The following COA6 variants were observed in gnomAD, a reference collection of about 807,000 sequenced individuals.
COA6 encodes the protein cytochrome c oxidase assembly factor 6 homolog.
A neutral mutation model predicts 17.1 loss-of-function variants in COA6; 12 were observed. The ratio of observed to expected loss-of-function variants is 0.70; its 90% CI spans 0.45 to 1.14. COA6 has a LOEUF of 1.14. COA6 is among the 50% of genes most tolerant of loss of function. The pLI is 0.00. For synonymous variants in COA6, 90 were observed against 73.4 expected, an observed-to-expected ratio of 1.23 and a Z score of -1.16; for missense variants, 246 against 196.5, an observed-to-expected ratio of 1.25 and a Z score of -1.51.
Position 234,377,059 on chromosome 1 carries a change from C to CACCCAACA in COA6, c.372+2670_372+2671insACCCAACA, listed in dbSNP as rs141978217. 6.0e-3 allele frequency among the ~76,000 whole-genome samples: 499 copies of CACCCAACA among 82,550 alleles called. 28 individuals are homozygous for CACCCAACA. Among genetic ancestry groups the CACCCAACA allele is most frequent in the African/African-American group, 0.019 (319 of 16,662 alleles). 54.2% of individuals were successfully genotyped at this position (82,550 alleles called of 152,430 possible). A position where few individuals can be genotyped will look rare whatever the true frequency, so the allele number is the denominator to read the frequency against. ...GACAGCTACCTTCTTGCTGTGTTGC[C>CACCCAACA]GAGAGAGAGAGAGAGAGAGAGAGAG... On this transcript the variant is annotated intron_variant, in intron 2 of 2. Transcript: ENST00000366615.
Position 234,373,639 on chromosome 1 carries a change from G to C in COA6, c.173G>C (p.Arg58Pro). ...RLVACVTVSSRRHRKEAGRGR... is the reference protein window; with the variant it reads ...RLVACVTVSSPRHRKEAGRGR... ...GTGGCCTGCGTGACAGTTTCCTCCC[G>C]TCGACATCGAAAGGAAGCCGGACGT... Residue 58 changes from arginine (R) to proline (P), a missense_variant, in exon 1 of 3, where the codon CGT (arginine) becomes CCT (proline). By Grantham distance (103) the Arg-to-Pro change is moderately radical. Coordinates refer to ENST00000366615, the MANE Select transcript of COA6 (RefSeq NM_001206641.3). 1 of 1,613,188 alleles carries C rather than the reference G, an allele frequency of 6.2e-7. No individual in the cohort carries two copies. The highest frequency in any genetic ancestry group is 1.1e-5 in the South Asian group (1 of 91,024).
At chr1:234,375,531 C>T (rs2103015983) in intron 2 of COA6, among the ~76,000 whole-genome samples, 1 of 152,226 alleles carries the variant, frequency 6.6e-6, no homozygotes, top group East Asian at 1.9e-4. Context: ...AGGGGTTTTG[C>T]CCTCTCATAC....
At chr1:234,382,194 G>C (rs752643013) in intron 2 of COA6, among the ~76,000 whole-genome samples, 1 of 152,192 alleles carries the variant, frequency 6.6e-6, no homozygotes, top group Non-Finnish European at 1.5e-5. Context: ...AGGTGTCGTC[G>C]TCAGCTCTGG....
intron 2 of COA6, among the ~76,000 whole-genome samples, chr1:234,382,678 T>C (rs1659009154): frequency 6.6e-6 from 1 of 152,146 alleles, no homozygotes; most frequent in Non-Finnish European, 1.5e-5. Flanking sequence ...ACTAGTGTTT[T>C]CTGGTCTGAC....
intron 2 of COA6, among the ~76,000 whole-genome samples, chr1:234,375,017 C>T (rs1209556139): frequency 2.0e-5 from 3 of 151,606 alleles, no homozygotes; most frequent in Non-Finnish European, 2.9e-5. Flanking sequence ...TGGCTGGGTG[C>T]GGTGGCTCAC....
intron 2 of COA6, among the ~76,000 whole-genome samples, chr1:234,382,094 A>T (rs757183902): frequency 6.6e-6 from 1 of 152,220 alleles, no homozygotes. Flanking sequence ...ACCAACAAAG[A>T]AAAAGAGAGT....
rs555860583 is a variant in COA6, at chr1:234,384,702, C to G, written c.*884C>G. ...TAAATGGAGAGGTATACAGTTGGCC[C>G]TCTGTGGGTTCTGCATCCATGGATT... On this transcript the variant is annotated 3_prime_UTR_variant, in exon 3 of 3. Coordinates refer to ENST00000366615, the MANE Select transcript of COA6 (RefSeq NM_001206641.3). Among the ~76,000 whole-genome samples, 1 of 152,142 alleles carries G rather than the reference C, an allele frequency of 6.6e-6. No homozygotes were observed. The highest frequency in any genetic ancestry group is 2.1e-4 in the South Asian group (1 of 4,826).
rs894918256 is a variant in COA6 at position 234,383,506 on chromosome 1, G to A, written c.373-217G>A. On this transcript the variant is annotated intron_variant, in intron 2 of 2. Coordinates refer to ENST00000366615, the MANE Select transcript of COA6 (RefSeq NM_001206641.3). ...CATATGTAACTAACCTGCACGTTGT[G>A]CACGTGTACCCTAAAACTTAAAGTA... 3.8e-4 allele frequency among the ~76,000 whole-genome samples: 57 copies of A among 151,048 alleles called. 1 individual carries two copies. Among genetic ancestry groups the A allele is most frequent in the African/African-American group, 1.4e-3 (56 of 40,888 alleles).
At chr1:234,376,050 AT>A (rs1205073188) in intron 2 of COA6, among the ~76,000 whole-genome samples, 2 of 152,238 alleles carry the variant, frequency 1.3e-5, no homozygotes, top group African/African-American at 4.8e-5. Flanking sequence ...ATAACTTGAC[AT>A]GTAAACTGAA....
At chr1:234,376,192 C>A (rs1658786304) in intron 2 of COA6, among the ~76,000 whole-genome samples, 1 of 152,126 alleles carries the variant, frequency 6.6e-6, no homozygotes, top group African/African-American at 2.4e-5. Context: ...CCCTTCGATC[C>A]CACTTTTATC....
At chr1:234,383,030 A>G (rs867093136) in intron 2 of COA6, among the ~76,000 whole-genome samples, 7 of 73,268 alleles carry the variant, frequency 9.6e-5, no homozygotes, top group South Asian at 1.4e-3. Flanking sequence ...AGAGAGAGAG[A>G]GAAGGAAGGG....
At chr1:234,383,632 T>C (rs1018301574) in intron 2 of COA6, 91 bp from the exon 3 acceptor site, 2 of 622,398 alleles carry the variant, frequency 3.2e-6, no homozygotes, top group Admixed American at 3.1e-5. Context: ...CTTAAATTTA[T>C]GTTGAATAAT....
chr1:234,378,546 C>T (rs947048115), intron 2 of COA6, among the ~76,000 whole-genome samples: 1 of 152,122 alleles, frequency 6.6e-6, no homozygotes, highest in Admixed American at 6.5e-5. Context: ...CTGGTGAAGA[C>T]GATTCCAGGC....
At chr1:234,380,440 C>T (rs1284334741) in intron 2 of COA6, among the ~76,000 whole-genome samples, 1 of 152,080 alleles carries the variant, frequency 6.6e-6, no homozygotes, top group Non-Finnish European at 1.5e-5. Flanking sequence ...TTAGACCAGC[C>T]AACCAGTAAA....
At position 234,383,747 on chromosome 1, in the gene COA6, GAC is replaced by G. The variant is rs1305111138; in HGVS notation, c.398_399del (p.Asp133ValfsTer9). 2.0e-6 allele frequency: 3 copies of G among 1,501,758 alleles called. No homozygotes were observed. Among genetic ancestry groups the G allele is most frequent in the Non-Finnish European group, 2.8e-6 (3 of 1,083,798 alleles). The allele number at this position is 1,501,758 out of a possible 1,614,324, so 93.0% of individuals were successfully genotyped here. A position where few individuals can be genotyped will look rare whatever the true frequency, so the allele number is the denominator to read the frequency against. On this transcript the variant is annotated frameshift_variant, in exon 3 of 3. Coordinates refer to ENST00000366615, the MANE Select transcript of COA6 (RefSeq NM_001206641.3). LOFTEE classifies it high-confidence loss of function. ...QWIKYFDKRR[D>X]YLKFKEKFEA... ...GATAAAATATTTTGATAAAAGAAGA[GAC>G]TACTTAAAATTCAAAGAAAAATTTG...
chr1:234,374,472 T>C, intron 2 of COA6, 83 bp downstream of exon 2: 3 of 1,366,412 alleles, frequency 2.2e-6, no homozygotes, highest in Non-Finnish European at 3.1e-6. Context: ...CATGAAGCGC[T>C]CTCTGAGGCA....
At position 234,383,845 on chromosome 1, in the gene COA6, T is replaced by C; in HGVS notation, c.*27T>C. 8.6e-7 allele frequency: 1 copy of C among 1,164,812 alleles called. No individual in the cohort carries two copies. The highest frequency in any genetic ancestry group is 1.3e-6 in the Non-Finnish European group (1 of 791,428). 72.2% of individuals were successfully genotyped at this position (1,164,812 alleles called of 1,614,324 possible). A position where few individuals can be genotyped will look rare whatever the true frequency, so the allele number is the denominator to read the frequency against. ...CTGTTCATAAAGATTGAAAGTATTC[T>C]TTCTGGACATTGAAAAAGCTCCACT... On this transcript the variant is annotated 3_prime_UTR_variant, in exon 3 of 3. Coordinates refer to ENST00000366615, the MANE Select transcript of COA6 (RefSeq NM_001206641.3).
At position 234,380,821 on chromosome 1, in the gene COA6, G is replaced by A. The variant is rs886214432; in HGVS notation, c.373-2902G>A. ...TCGGGACCAGCCTGGCCAACATGGC[G>A]AAACCCCATCTCTACTAAAAATACG... On this transcript the variant is annotated intron_variant, in intron 2 of 2. Coordinates refer to ENST00000366615, the MANE Select transcript of COA6 (RefSeq NM_001206641.3). Among the ~76,000 whole-genome samples the A allele has an allele frequency of 4.5e-4, 69 of 152,160 alleles. 1 individual carries two copies. The highest frequency in any genetic ancestry group is 1.5e-3 in the African/African-American group (61 of 41,426).
intron 2 of COA6, among the ~76,000 whole-genome samples, chr1:234,377,000 C>T (rs1658817898): frequency 6.7e-6 from 1 of 150,000 alleles, no homozygotes; most frequent in Admixed American, 6.6e-5. Flanking sequence ...CCAGCATGGT[C>T]AGTTTGTGAT....
Sources: gnomAD v4.1 joint callset for allele counts (sites outside exome capture counted in the v4.1 genomes callset) on GRCh38, gnomAD v4.1.1 for gene constraint, MANE v1.5 for transcripts, NCBI Gene and HGNC (gene_info 2026-07-23, HGNC 2026-07-21) for gene names.